The following IL23A variants were observed in gnomAD, a reference collection of about 807,000 sequenced individuals.
IL23A encodes interleukin 23 subunit alpha.
In IL23A, 16 loss-of-function variants were observed where a neutral mutation model predicts 20.7. The observed-to-expected ratio is 0.77, with a 90% CI of 0.52 to 1.17. IL23A has a LOEUF of 1.17. Ranked by LOEUF, IL23A falls within the 50% of genes most tolerant of loss-of-function variation. The pLI is 0.00. For synonymous variants in IL23A, 80 were observed against 88.7 expected (o/e 0.90, Z 0.55); for missense variants, 175 against 229.5 (o/e 0.76, Z 1.53).
chr12:56,339,250 A>C, intron 1 of IL23A, 44 bp downstream of exon 1: 2 of 1,534,534 alleles, frequency 1.3e-6, no homozygotes, highest in Non-Finnish European at 8.8e-7. Context: ...CAGGCTCTCC[A>C]AGGCTGTGGC....
chr12:56,339,336 TC>T lies in IL23A; in HGVS notation c.163-88del. On this transcript the variant is annotated intron_variant, in intron 1 of 3. Transcript: ENST00000228534. ...GTAAGAGAGGACAAGAGAGTAGGGTTCCTGGGAGAGTCATGGGCCTGAGGGT... is the reference window on the plus strand; with the variant it reads ...GTAAGAGAGGACAAGAGAGTAGGGTTCTGGGAGAGTCATGGGCCTGAGGGT... 2.9e-6 allele frequency: 4 copies of T among 1,375,498 alleles called. No homozygotes were observed. In the South Asian group the frequency reaches 4.9e-5, roughly 17 times the overall value. The allele number at this position is 1,375,498 out of a possible 1,614,324, so 85.2% of individuals were successfully genotyped here.
At chr12:56,339,556 A>C (rs1404706175) in intron 2 of IL23A, 32 bp downstream of exon 2, 3 of 1,588,966 alleles carry the variant, frequency 1.9e-6, no homozygotes, top group South Asian at 2.2e-5. Context: ...GCAATGAAGG[A>C]GAGGGGACTG....
intron 2 of IL23A, 33 bp downstream of exon 2, chr12:56,339,557 G>C: frequency 1.3e-6 from 2 of 1,587,272 alleles, no homozygotes; most frequent in Admixed American, 3.3e-5. Context: ...CAATGAAGGA[G>C]AGGGGACTGA....
chr12:56,339,435 G>A lies in IL23A; in HGVS notation c.172G>A (p.Glu58Lys). 1.2e-6 allele frequency: 2 copies of A among 1,606,960 alleles called. No homozygotes were observed. The highest frequency in any genetic ancestry group is 3.3e-4 in the Middle Eastern group (2 of 6,050). Residue 58 changes from glutamate (E) to lysine (K), a missense_variant, in exon 2 of 4, where the codon GAA becomes AAA. Coordinates refer to ENST00000228534, the MANE Select transcript of IL23A (RefSeq NM_016584.3). ...TCTTCCTTCATTCCAGGATCTAAGA[G>A]AAGAGGGAGATGAAGAGACTACAAA... ...HPLVGHMDLR[E>K]EGDEETTNDV...
rs551688276 is a variant in IL23A at position 56,340,110 on chromosome 12, G to C, written c.*6G>C. 1 of 1,613,548 alleles carries C rather than the reference G, an allele frequency of 6.2e-7. No homozygotes were observed. Among genetic ancestry groups the C allele is most frequent in the Non-Finnish European group, 8.5e-7 (1 of 1,179,714 alleles). ...CAGCAACCCTGAGTCCCTAAAGGCAGCAGCTCAAGGATGGCACTCAGATCT... is the reference window on the plus strand; with the variant it reads ...CAGCAACCCTGAGTCCCTAAAGGCACCAGCTCAAGGATGGCACTCAGATCT... On this transcript the variant is annotated 3_prime_UTR_variant, in exon 4 of 4. Coordinates refer to ENST00000228534, the MANE Select transcript of IL23A (RefSeq NM_016584.3).
In IL23A at chr12:56,339,970, C is replaced by A; in HGVS notation, c.436C>A (p.Gln146Lys). 6.2e-7 allele frequency: 1 copy of A among 1,614,186 alleles called. No individual in the cohort carries two copies. Among genetic ancestry groups the A allele is most frequent in the Middle Eastern group, 1.6e-4 (1 of 6,062 alleles). The change falls in exon 4 of 4, where the codon CAG becomes AAG. Residue 146 changes from glutamine (Q) to lysine (K), a missense_variant. Gln to Lys is a moderately conservative substitution (Grantham distance 53). Coordinates refer to ENST00000228534, the MANE Select transcript of IL23A (RefSeq NM_016584.3). ...QPEGHHWETQ[Q>K]IPSLSPSQPW... ...TGAGGGTCACCACTGGGAGACTCAG[C>A]AGATTCCAAGCCTCAGTCCCAGCCA...
Position 56,339,352 on chromosome 12 carries a change from G to C in IL23A, c.163-74G>C, listed in dbSNP as rs570852821. The C allele has an allele frequency of 1.8e-5, 25 of 1,381,364 alleles. No homozygotes were observed. The South Asian group carries it at 2.8e-4, about 16-fold the overall frequency. The allele number at this position is 1,381,364 out of a possible 1,614,324, so 85.6% of individuals were successfully genotyped here. ...GAGTAGGGTTCCTGGGAGAGTCATG[G>C]GCCTGAGGGTCCAGGTTGGCTTCAG... On this transcript the variant is annotated intron_variant, in intron 1 of 3. Coordinates refer to ENST00000228534, the MANE Select transcript of IL23A (RefSeq NM_016584.3).
Position 56,340,116 on chromosome 12 carries a change from C to T in IL23A, c.*12C>T, listed in dbSNP as rs761726950. On this transcript the variant is annotated 3_prime_UTR_variant, in exon 4 of 4. Coordinates refer to ENST00000228534, the MANE Select transcript of IL23A (RefSeq NM_016584.3). The stretch of plus-strand genomic sequence containing the variant: ...CCCTGAGTCCCTAAAGGCAGCAGCT[C>T]AAGGATGGCACTCAGATCTCCATGG... 12 of 1,612,796 alleles carry T rather than the reference C, an allele frequency of 7.4e-6. No homozygotes were observed. The South Asian group carries it at 1.3e-4, about 18-fold the overall frequency.
chr12:56,339,662 C>T (rs1000906886), intron 2 of IL23A, 29 bp from the exon 3 acceptor site: 1 of 1,609,938 alleles, frequency 6.2e-7, no homozygotes. Context: ...AAGAGGGTGT[C>T]CTCTTTCATT....
Position 56,340,250 on chromosome 12 carries a change from A to G in IL23A, c.*146A>G. 1.3e-6 allele frequency: 1 copy of G among 756,820 alleles called. No homozygotes were observed. The highest frequency in any genetic ancestry group is 2.7e-5 in the East Asian group (1 of 36,910). 46.9% of individuals were successfully genotyped at this position (756,820 alleles called of 1,614,324 possible). A position where few individuals can be genotyped will look rare whatever the true frequency, so the allele number is the denominator to read the frequency against. The stretch of plus-strand genomic sequence containing the variant: ...CATATGTTGAAAATTACCAATACTG[A>G]CTGACATGTGATGCTGACCTATGAT... On this transcript the variant is annotated 3_prime_UTR_variant, in exon 4 of 4. Transcript: ENST00000228534.
At position 56,339,771 on chromosome 12, in the gene IL23A, T is replaced by G; in HGVS notation, c.342T>G (p.Ser114=). 6.2e-7 allele frequency: 1 copy of G among 1,613,978 alleles called. No homozygotes were observed. The highest frequency in any genetic ancestry group is 8.5e-7 in the Non-Finnish European group (1 of 1,179,874). ...LGSDIFTGEP[S]LLPDSPVGQL... The stretch of plus-strand genomic sequence containing the variant: ...CGGATATTTTCACAGGGGAGCCTTC[T>G]CTGCTCCCTGATAGCCCTGTGGGCC... Residue 114 remains serine, a synonymous_variant, in exon 3 of 4, where the codon TCT becomes TCG. Coordinates refer to ENST00000228534, the MANE Select transcript of IL23A (RefSeq NM_016584.3).
At position 56,340,286 on chromosome 12, in the gene IL23A, A is replaced by C; in HGVS notation, c.*182A>C. 1.7e-6 allele frequency: 1 copy of C among 605,852 alleles called. No homozygotes were observed. The highest frequency in any genetic ancestry group is 2.8e-6 in the Non-Finnish European group (1 of 358,922). The allele number at this position is 605,852 out of a possible 1,614,324, so 37.5% of individuals were successfully genotyped here. On this transcript the variant is annotated 3_prime_UTR_variant, in exon 4 of 4. Transcript: ENST00000228534. ...ATGCTGACCTATGATAAGGTTGAGT[A>C]TTTATTAGATGGGAAGGGAAATTTG...
chr12:56,340,183 G>A lies in IL23A; in HGVS notation c.*79G>A. 1 of 1,426,704 alleles carries A rather than the reference G, an allele frequency of 7.0e-7. No homozygotes were observed. The highest frequency in any genetic ancestry group is 9.6e-7 in the Non-Finnish European group (1 of 1,041,456). 88.4% of individuals were successfully genotyped at this position (1,426,704 alleles called of 1,614,324 possible). On this transcript the variant is annotated 3_prime_UTR_variant, in exon 4 of 4. Transcript: ENST00000228534. ...TAAATCTACCACCCCAGGCACCTGT[G>A]AGCCAACAGGTTAATTAGTCCATTA...
At chr12:56,339,897 G>A (rs751297662) in intron 3 of IL23A, 46 bp from the exon 4 acceptor site, 1 of 1,611,498 alleles carries the variant, frequency 6.2e-7, no homozygotes, top group South Asian at 1.1e-5. Flanking sequence ...AGGGTTGGGG[G>A]TTAAGGGTTT....
chr12:56,339,044 G>C lies in IL23A; in HGVS notation c.-1G>C, dbSNP rs569133387. ...GCCAGATTTGAGAAGAAGGCAAAAA[G>C]ATGCTGGGGAGCAGAGCTGTAATGC... On this transcript the variant is annotated 5_prime_UTR_variant, in exon 1 of 4. Coordinates refer to ENST00000228534, the MANE Select transcript of IL23A (RefSeq NM_016584.3). 10 of 1,387,434 alleles carry C rather than the reference G, an allele frequency of 7.2e-6. No individual in the cohort carries two copies. The highest frequency in any genetic ancestry group is 9.4e-6 in the Non-Finnish European group (10 of 1,060,630). 85.9% of individuals were successfully genotyped at this position (1,387,434 alleles called of 1,614,324 possible). A position where few individuals can be genotyped will look rare whatever the true frequency, so the allele number is the denominator to read the frequency against.
Position 56,339,511 on chromosome 12 carries a change from G to C in IL23A, c.248G>C (p.Arg83Thr), listed in dbSNP as rs746480092. ...CGDGCDPQGL[R>T]DNSQFCLQRI... ...GATGGCTGTGACCCCCAAGGACTCAGGGACAACAGTCAGGTACCACTGGGA... is the reference window on the plus strand; with the variant it reads ...GATGGCTGTGACCCCCAAGGACTCACGGACAACAGTCAGGTACCACTGGGA... Residue 83 changes from arginine to threonine, a missense_variant, in exon 2 of 4, where the codon AGG becomes ACG. Arg to Thr is a moderately conservative substitution (Grantham distance 71). Transcript: ENST00000228534. 1 of 1,611,020 alleles carries C rather than the reference G, an allele frequency of 6.2e-7. No individual in the cohort carries two copies. The highest frequency in any genetic ancestry group is 8.5e-7 in the Non-Finnish European group (1 of 1,177,144).
At chr12:56,339,289 G>A in intron 1 of IL23A, 83 bp downstream of exon 1, 1 of 1,454,162 alleles carries the variant, frequency 6.9e-7, no homozygotes, top group Non-Finnish European at 9.4e-7. Context: ...GTGGAAGCTG[G>A]AGGGTTGAAG....
rs1876434207 is a variant in IL23A at position 56,339,970 on chromosome 12, C to T, written c.436C>T (p.Gln146Ter). The T allele has an allele frequency of 6.2e-7, 1 of 1,614,186 alleles. No homozygotes were observed. The highest frequency in any genetic ancestry group is 8.5e-7 in the Non-Finnish European group (1 of 1,180,020). The change falls in exon 4 of 4, where the codon CAG becomes TAG. Residue 146 changes from glutamine to a stop codon, truncating the protein, a stop_gained. Transcript: ENST00000228534. LOFTEE classifies it high-confidence loss of function. ...TGAGGGTCACCACTGGGAGACTCAG[C>T]AGATTCCAAGCCTCAGTCCCAGCCA... ...QPEGHHWETQ[Q>*]IPSLSPSQPW...
rs1180992239 is a variant in IL23A at position 56,338,946 on chromosome 12, CAGAG to C, written c.-95_-92del. 67 of 1,024,610 alleles carry C rather than the reference CAGAG, an allele frequency of 6.5e-5. No homozygotes were observed. The Middle Eastern group carries it at 1.6e-3, about 25-fold the overall frequency. The allele number at this position is 1,024,610 out of a possible 1,614,324, so 63.5% of individuals were successfully genotyped here. On this transcript the variant is annotated 5_prime_UTR_variant, in exon 1 of 4. Transcript: ENST00000228534. ...GGAACCAAACCAGAGACGCGCTGAA[CAGAG>C]AGAATCAGGCTCAAAGCAAGTGGAA... is the stretch of plus-strand genomic sequence containing the variant.
Sources: allele counts gnomAD v4.1 joint callset, GRCh38; gene constraint gnomAD v4.1.1; transcripts MANE v1.5; gene names NCBI Gene and HGNC (gene_info 2026-07-23, HGNC 2026-07-21).